DSCAM: variants seen among roughly 807,000 people sequenced by gnomAD.
DSCAM encodes the protein cell adhesion molecule DSCAM.
Under a neutral mutation model 217.7 loss-of-function variants are expected in DSCAM, and 47 were observed. The observed-to-expected ratio is 0.22, with a 90% CI of 0.17 to 0.28. The LOEUF (loss-of-function observed/expected upper bound fraction) is 0.28, where lower values mean the gene tolerates loss of function less well. DSCAM is among the 10% of genes least tolerant of loss of function. The pLI, the probability that DSCAM is intolerant of heterozygous loss-of-function variation, is 1.00. For missense variants in DSCAM, 2,080 were observed against 2,618.3 expected (o/e 0.79, Z 4.49); for synonymous variants, 1,056 against 1,015.3 (o/e 1.04, Z -0.76).
At chr21:40,316,427 G>A (rs2074197503) in intron 8 of DSCAM, among the ~76,000 whole-genome samples, 1 of 152,158 alleles carries the variant, frequency 6.6e-6, no homozygotes, top group Admixed American at 6.5e-5. Context: ...AGCGTCTTAA[G>A]CCTTATATTT....
chr21:40,648,891 T>C (rs1305224216), intron 3 of DSCAM, among the ~76,000 whole-genome samples: 1 of 152,152 alleles, frequency 6.6e-6, no homozygotes, highest in Admixed American at 6.5e-5. Flanking sequence ...CTCATTCTTC[T>C]TGGACACGGG....
At chr21:40,471,410 C>G (rs2075887211) in intron 3 of DSCAM, among the ~76,000 whole-genome samples, 1 of 152,152 alleles carries the variant, frequency 6.6e-6, no homozygotes, top group South Asian at 2.1e-4. Context: ...AGGGCAGGTT[C>G]TAGATCTTAG....
chr21:40,014,992 T>C (rs7283470), intron 32 of DSCAM, among the ~76,000 whole-genome samples: 46,974 of 152,110 alleles, frequency 0.31, 7,840 homozygotes, highest in Middle Eastern at 0.47. Context: ...CTGCCTACAT[T>C]TCTGGCCACC....
At chr21:40,272,870 T>C (rs2073637762) in intron 11 of DSCAM, among the ~76,000 whole-genome samples, 1 of 152,206 alleles carries the variant, frequency 6.6e-6, no homozygotes, top group Non-Finnish European at 1.5e-5. Context: ...ATATCTATTT[T>C]TTTTTTCAGT....
chr21:40,819,026 C>T (rs184564846), intron 1 of DSCAM, among the ~76,000 whole-genome samples: 149 of 152,292 alleles, frequency 9.8e-4, no homozygotes, highest in African/African-American at 3.5e-3. Flanking sequence ...AGCCCATTTG[C>T]GTAACAGCCA....
At chr21:40,359,458 A>G (rs2074733881) in intron 4 of DSCAM, among the ~76,000 whole-genome samples, 1 of 152,250 alleles carries the variant, frequency 6.6e-6, no homozygotes, top group South Asian at 2.1e-4. Context: ...ATTTGCCATA[A>G]GGCCCCAAGT....
At chr21:40,480,736 T>G (rs2075975109) in intron 3 of DSCAM, among the ~76,000 whole-genome samples, 1 of 152,184 alleles carries the variant, frequency 6.6e-6, no homozygotes. Flanking sequence ...GTGCAGAAAG[T>G]TTAAGTGACA....
intron 10 of DSCAM, among the ~76,000 whole-genome samples, chr21:40,285,606 T>C (rs2073814684): frequency 6.6e-6 from 1 of 152,148 alleles, no homozygotes; most frequent in African/African-American, 2.4e-5. Context: ...AAACAATATA[T>C]GGAACACTCA....
At chr21:40,210,871 A>G (rs2091175281) in intron 11 of DSCAM, among the ~76,000 whole-genome samples, 1 of 152,048 alleles carries the variant, frequency 6.6e-6, no homozygotes, top group African/African-American at 2.4e-5. Flanking sequence ...ACCCACATTC[A>G]TTTGTGTGTA....
intron 3 of DSCAM, among the ~76,000 whole-genome samples, chr21:40,648,249 G>A: frequency 1.2e-5 from 1 of 85,036 alleles, no homozygotes. Context: ...ACATATCCCT[G>A]TACACACACA....
At chr21:40,599,811 G>C (rs1378147733) in intron 3 of DSCAM, among the ~76,000 whole-genome samples, 1 of 152,178 alleles carries the variant, frequency 6.6e-6, no homozygotes, top group African/African-American at 2.4e-5. Context: ...ACTACCATCA[G>C]AGAATACTAT....
intron 1 of DSCAM, among the ~76,000 whole-genome samples, chr21:40,772,787 C>T (rs906951347): frequency 6.6e-6 from 1 of 152,254 alleles, no homozygotes; most frequent in East Asian, 1.9e-4. Flanking sequence ...CACGTCCTCT[C>T]GTGGCTGCCA....
In DSCAM at chr21:40,478,788, G is replaced by A. The variant is rs536163663; in HGVS notation, c.509-109543C>T. Among the ~76,000 whole-genome samples, 330 of 152,128 alleles carry A rather than the reference G, an allele frequency of 2.2e-3. 1 individual carries two copies. Among genetic ancestry groups the A allele is most frequent in the Middle Eastern group, 0.014 (4 of 294 alleles). On this transcript the variant is annotated intron_variant, in intron 3 of 32. Coordinates refer to ENST00000400454, the MANE Select transcript of DSCAM (RefSeq NM_001389.5). The stretch of plus-strand genomic sequence containing the variant: ...ACCCCCAATGGATGCCTGAAACTTC[G>A]GATAGTACTGAATCCTTTATATGCT...
chr21:40,072,785 T>C (rs571350726), intron 27 of DSCAM, among the ~76,000 whole-genome samples: 5 of 152,336 alleles, frequency 3.3e-5, no homozygotes, highest in Non-Finnish European at 7.3e-5. Flanking sequence ...ATACTCCCTC[T>C]TTCCCTCAGC....
intron 3 of DSCAM, among the ~76,000 whole-genome samples, chr21:40,640,867 C>T (rs2089869361): frequency 6.6e-6 from 1 of 152,086 alleles, no homozygotes; most frequent in Non-Finnish European, 1.5e-5. Context: ...CACACACACA[C>T]CAGGGGACAA....
intron 3 of DSCAM, among the ~76,000 whole-genome samples, chr21:40,575,187 G>C (rs191988494): frequency 6.6e-6 from 1 of 150,460 alleles, no homozygotes; most frequent in African/African-American, 2.4e-5. Context: ...GGCTCAAAAA[G>C]CTCCCCCACT....
At chr21:40,599,623 A>G (rs1568930332) in intron 3 of DSCAM, among the ~76,000 whole-genome samples, 1 of 152,228 alleles carries the variant, frequency 6.6e-6, no homozygotes, top group Non-Finnish European at 1.5e-5. Context: ...GTAGAACTGA[A>G]GGAGATAGAG....
At chr21:40,706,394 T>C (rs1014169413) in intron 2 of DSCAM, among the ~76,000 whole-genome samples, 1 of 152,072 alleles carries the variant, frequency 6.6e-6, no homozygotes, top group African/African-American at 2.4e-5. Context: ...ATGTTAGGAC[T>C]AGGATTGATG....
chr21:40,427,567 G>T (rs2075487278), intron 3 of DSCAM, among the ~76,000 whole-genome samples: 1 of 152,144 alleles, frequency 6.6e-6, no homozygotes, highest in African/African-American at 2.4e-5. Flanking sequence ...AGAATCCCTG[G>T]CCTTCCCTCT....
Sources: gnomAD v4.1 joint callset for allele counts (sites outside exome capture counted in the v4.1 genomes callset) on GRCh38, gnomAD v4.1.1 for gene constraint, MANE v1.5 for transcripts, NCBI Gene and HGNC (gene_info 2026-07-23, HGNC 2026-07-21) for gene names.